The following IL34 variants were observed in gnomAD, a reference collection of about 807,000 sequenced individuals.
IL34 encodes interleukin-34.
Under a neutral mutation model 25.3 loss-of-function variants are expected in IL34, and 17 were observed. The observed-to-expected ratio is 0.67, with a 90% CI of 0.46 to 1.01. IL34 has a LOEUF of 1.01. Ranked by LOEUF, IL34 falls within the 50% of genes least tolerant of loss-of-function variation. The pLI, the probability that IL34 is intolerant of heterozygous loss-of-function variation, is 0.00. For synonymous variants in IL34, 174 were observed against 140.9 expected, an observed-to-expected ratio of 1.23 and a Z score of -1.66; for missense variants, 368 against 312.9, an observed-to-expected ratio of 1.18 and a Z score of -1.33.
At chr16:70,659,368 C>A (rs2052321534) in intron 4 of IL34, among the ~76,000 whole-genome samples, 1 of 152,220 alleles carries the variant, frequency 6.6e-6, no homozygotes, top group Non-Finnish European at 1.5e-5. Flanking sequence ...CTGGTCTACG[C>A]CCTTTACTCA....
intron 1 of IL34, among the ~76,000 whole-genome samples, chr16:70,610,633 G>A (rs1043903977): frequency 2.0e-5 from 3 of 152,318 alleles, no homozygotes; most frequent in Admixed American, 6.5e-5. Flanking sequence ...GGAAAGTGCC[G>A]CAGAGGGAGT....
At chr16:70,599,304 C>CTTTCTTTCTTT (rs372428379) in intron 1 of IL34, among the ~76,000 whole-genome samples, 102 of 125,942 alleles carry the variant, frequency 8.1e-4, no homozygotes, top group African/African-American at 2.6e-3. Context: ...TTCTTTCTTT[C>CTTTCTTTCTTT]CTTCTTTCTT....
chr16:70,610,243 G>A (rs1047729512), intron 1 of IL34, among the ~76,000 whole-genome samples: 9 of 151,754 alleles, frequency 5.9e-5, no homozygotes, highest in African/African-American at 1.9e-4. Context: ...CAAGGTAGGA[G>A]CTGAGAGAGG....
At chr16:70,645,864 C>T (rs534017335), upstream of IL34, among the ~76,000 whole-genome samples, 5 of 152,164 alleles carry the variant, frequency 3.3e-5, no homozygotes, top group African/African-American at 9.6e-5. Flanking sequence ...ACTAGCCTGG[C>T]CAACATGGTG....
intron 1 of IL34, among the ~76,000 whole-genome samples, chr16:70,597,759 G>T (rs1035120246): frequency 1.3e-5 from 2 of 152,172 alleles, no homozygotes. Flanking sequence ...CCATTTTGTT[G>T]TCAAGGAGCT....
chr16:70,625,707 G>T (rs1432702839), intron 1 of IL34, among the ~76,000 whole-genome samples: 1 of 152,166 alleles, frequency 6.6e-6, no homozygotes, highest in Non-Finnish European at 1.5e-5. Flanking sequence ...GGAGTTTTGG[G>T]TCCACCGATA....
At chr16:70,656,769 G>A in intron 3 of IL34, 90 bp downstream of exon 3, 1 of 954,392 alleles carries the variant, frequency 1.0e-6, no homozygotes, top group South Asian at 1.3e-5. Context: ...CTGGCAGGTG[G>A]TGCTGCTGGC....
intron 1 of IL34, among the ~76,000 whole-genome samples, chr16:70,647,930 G>T (rs990964335): frequency 3.9e-5 from 6 of 152,234 alleles, no homozygotes; most frequent in Non-Finnish European, 7.3e-5. Context: ...TGGTCTAGAA[G>T]GTGGGGTGGT....
chr16:70,610,109 G>A (rs1028097833), intron 1 of IL34, among the ~76,000 whole-genome samples: 1 of 152,058 alleles, frequency 6.6e-6, no homozygotes, highest in Admixed American at 6.5e-5. Flanking sequence ...GGCTGAGGCA[G>A]GAGAATCACT....
chr16:70,628,912 C>G (rs919084585), intron 1 of IL34, among the ~76,000 whole-genome samples: 6 of 151,922 alleles, frequency 3.9e-5, no homozygotes, highest in Non-Finnish European at 7.4e-5. Context: ...CTCGGCCTCC[C>G]GAGGAGCTGG....
chr16:70,650,447 G>T (rs993535864), intron 1 of IL34, among the ~76,000 whole-genome samples: 1 of 152,180 alleles, frequency 6.6e-6, no homozygotes, highest in African/African-American at 2.4e-5. Context: ...CCAAGGCACA[G>T]TCCCTGCCTT....
chr16:70,648,673 G>C (rs1390803235), intron 1 of IL34, among the ~76,000 whole-genome samples: 2 of 152,038 alleles, frequency 1.3e-5, no homozygotes, highest in Admixed American at 6.6e-5. Context: ...TGGGGGATGA[G>C]GGAGAGGGAG....
intron 1 of IL34, among the ~76,000 whole-genome samples, chr16:70,582,447 CTG>C (rs919752570): frequency 6.6e-6 from 1 of 152,266 alleles, no homozygotes; most frequent in Non-Finnish European, 1.5e-5. Context: ...AGCGTAGGCT[CTG>C]GAGCTGGTCG....
In IL34 at chr16:70,656,875, T is replaced by A. The variant is rs1041424173; in HGVS notation, c.241-85T>A. 9 of 1,443,640 alleles carry A rather than the reference T, an allele frequency of 6.2e-6. No individual in the cohort carries two copies. The East Asian group carries it at 1.4e-4, about 22-fold the overall frequency. 89.4% of individuals were successfully genotyped at this position (1,443,640 alleles called of 1,614,324 possible). On this transcript the variant is annotated intron_variant, in intron 3 of 5. Coordinates refer to ENST00000288098, the MANE Select transcript of IL34 (RefSeq NM_001393494.1). The stretch of plus-strand genomic sequence containing the variant: ...GCGGACGGCCCGCGTCTGCTCCCTA[T>A]GCAGGGGCAAGTCCCTGGTGAGGGA...
chr16:70,644,706 AGGAGGGGGAGGAGGAGGG>A (rs1447549548), upstream of IL34, among the ~76,000 whole-genome samples: 2 of 68,356 alleles, frequency 2.9e-5, no homozygotes, highest in Non-Finnish European at 5.5e-5. Context: ...GAGGAGGAGG[AGGAGGGGGAGGAGGAGGG>A]GGAGGGGGAA....
At chr16:70,616,945 T>A (rs1182949101) in intron 1 of IL34, among the ~76,000 whole-genome samples, 2 of 151,958 alleles carry the variant, frequency 1.3e-5, no homozygotes, top group African/African-American at 4.8e-5. Flanking sequence ...ATAAGAAAAA[T>A]CAAAATAGTG....
chr16:70,597,817 G>A (rs777286356), intron 1 of IL34, among the ~76,000 whole-genome samples: 2 of 152,130 alleles, frequency 1.3e-5, no homozygotes, highest in Non-Finnish European at 2.9e-5. Flanking sequence ...GGAAATGCCT[G>A]GGTGGCCCAG....
rs556147769 is a variant in IL34 at position 70,613,102 on chromosome 16, C to T, written c.-401+33053C>T. Among the ~76,000 whole-genome samples, 4 of 152,286 alleles carry T rather than the reference C, an allele frequency of 2.6e-5. No homozygotes were observed. The East Asian group carries it at 5.8e-4, about 22-fold the overall frequency. ...ACCACATCTGTTGAGAAATGCATGT[C>T]GTCTTCTTCAGGTTCCCACAGCAGG... On this transcript the variant is annotated intron_variant, in intron 1 of 6. Coordinates refer to the IL34 transcript ENST00000429149.
intron 1 of IL34, among the ~76,000 whole-genome samples, chr16:70,598,171 G>A (rs887167392): frequency 2.0e-5 from 3 of 152,070 alleles, no homozygotes; most frequent in Admixed American, 6.5e-5. Context: ...TAAAGGGTCT[G>A]AGATGCTTCT....
Sources: gnomAD v4.1 joint callset for allele counts (sites outside exome capture counted in the v4.1 genomes callset) on GRCh38, gnomAD v4.1.1 for gene constraint, MANE v1.5 for transcripts, NCBI Gene and HGNC (gene_info 2026-07-23, HGNC 2026-07-21) for gene names.